SLC23A2: variants seen among roughly 807,000 people sequenced by gnomAD.
SLC23A2 encodes solute carrier family 23 member 2.
Under a neutral mutation model 73.3 loss-of-function variants are expected in SLC23A2, and 36 were observed. That is an observed-to-expected ratio of 0.49 (90% confidence interval 0.38 to 0.65). The LOEUF (loss-of-function observed/expected upper bound fraction) is 0.65, where lower values mean the gene tolerates loss of function less well. SLC23A2 is among the 30% of genes least tolerant of loss of function. The pLI is 0.00. For synonymous variants in SLC23A2, 343 were observed against 327.3 expected (o/e 1.05, Z -0.52); for missense variants, 507 against 841.6 (o/e 0.60, Z 4.92).
intron 2 of SLC23A2, among the ~76,000 whole-genome samples, chr20:4,950,190 C>T (rs1441899105): frequency 1.3e-5 from 2 of 152,188 alleles, no homozygotes; most frequent in Non-Finnish European, 2.9e-5. Context: ...GCTGAGAATA[C>T]GTCTCAAACC....
intron 4 of SLC23A2, among the ~76,000 whole-genome samples, chr20:4,906,534 C>T (rs1235381091): frequency 6.6e-6 from 1 of 152,074 alleles, no homozygotes; most frequent in Non-Finnish European, 1.5e-5. Flanking sequence ...GCAGGAGAAT[C>T]GCTTCAACCC....
rs371670701 is a variant in SLC23A2 at position 4,885,840 on chromosome 20, T to C, written c.552A>G (p.Lys184=). 2 of 1,612,852 alleles carry C rather than the reference T, an allele frequency of 1.2e-6. No homozygotes were observed. The highest frequency in any genetic ancestry group is 2.2e-5 in the East Asian group (1 of 44,870). ...APARAILSLD[K]WKCNTTDVSV... is the part of the protein sequence containing the mutation. ...AATTACCTGTGGTGTTACATTTCCA[T>C]TTATCTAAAGACAGGATGGCTCGAG... The change falls in exon 7 of 17, where the codon AAA becomes AAG. Residue 184 remains lysine, a synonymous_variant. Transcript: ENST00000338244.
intron 11 of SLC23A2, 103 bp from the exon 12 acceptor site, chr20:4,870,156 C>G (rs1930387457): frequency 2.1e-6 from 2 of 954,506 alleles, no homozygotes; most frequent in African/African-American, 3.3e-5. Flanking sequence ...TCTACAAGAT[C>G]CACTTGGATT....
intron 1 of SLC23A2, among the ~76,000 whole-genome samples, chr20:5,000,181 T>C (rs2054287553): frequency 6.6e-6 from 1 of 152,100 alleles, no homozygotes; most frequent in African/African-American, 2.4e-5. Flanking sequence ...AAGGGCCCTT[T>C]ATACATCTCA....
chr20:4,903,530 A>G (rs1931827839), intron 4 of SLC23A2, among the ~76,000 whole-genome samples: 1 of 152,226 alleles, frequency 6.6e-6, no homozygotes. Context: ...AACAAAATGA[A>G]GAGATATCCA....
intron 1 of SLC23A2, among the ~76,000 whole-genome samples, chr20:4,975,677 C>T (rs1305984619): frequency 8.0e-5 from 12 of 150,434 alleles, no homozygotes; most frequent in African/African-American, 1.5e-4. Context: ...CACCGTGCCC[C>T]GCCTGTTTTT....
At chr20:4,890,524 G>C (rs1215494618) in intron 6 of SLC23A2, among the ~76,000 whole-genome samples, 4 of 152,012 alleles carry the variant, frequency 2.6e-5, no homozygotes, top group Admixed American at 2.0e-4. Context: ...ATGGTGGCAG[G>C]TACCTATATC....
Position 4,868,684 on chromosome 20 carries a change from A to C in SLC23A2, c.1251-809T>G, listed in dbSNP as rs1355130202. 6.6e-6 allele frequency among the ~76,000 whole-genome samples: 1 copy of C among 152,204 alleles called. No homozygotes were observed. The highest frequency in any genetic ancestry group is 1.5e-5 in the Non-Finnish European group (1 of 68,050). ...ATCATGTGCAGCAGCTCCATTAGAG[A>C]AAGATGGGGACATCAGGTACCAGAG... On this transcript the variant is annotated intron_variant, in intron 12 of 16. Transcript: ENST00000338244. The surrounding 1 kb of genome is among the most constrained non-coding windows in gnomAD (Gnocchi z 4.4).
chr20:4,913,655 C>T (rs1028964920), intron 3 of SLC23A2, among the ~76,000 whole-genome samples: 3 of 151,992 alleles, frequency 2.0e-5, no homozygotes, highest in South Asian at 2.1e-4. Context: ...GAGACGATGT[C>T]GCGCTCTGTC....
At chr20:4,901,520 A>T (rs1931743813) in intron 5 of SLC23A2, among the ~76,000 whole-genome samples, 1 of 152,170 alleles carries the variant, frequency 6.6e-6, no homozygotes. Flanking sequence ...TCCCGCGTTC[A>T]TCCTATGAAA....
chr20:4,942,824 T>A (rs1260608068), intron 2 of SLC23A2, among the ~76,000 whole-genome samples: 2 of 152,148 alleles, frequency 1.3e-5, no homozygotes, highest in Admixed American at 1.3e-4. Flanking sequence ...AACCTGTCCT[T>A]TCATGATCAG....
At position 4,926,510 on chromosome 20, in the gene SLC23A2, C is replaced by CTTTTTTTTTTTTTTTTTTT. The variant is rs3055953; in HGVS notation, c.108+5926_108+5944dup. 3.8e-5 allele frequency among the ~76,000 whole-genome samples: 4 copies of CTTTTTTTTTTTTTTTTTTT among 105,046 alleles called. 1 individual carries two copies. Among genetic ancestry groups the CTTTTTTTTTTTTTTTTTTT allele is most frequent in the African/African-American group, 1.1e-4 (3 of 27,650 alleles). 68.9% of individuals were successfully genotyped at this position (105,046 alleles called of 152,430 possible). ...CGATCGTTCATCAGAATTTTTTTTG[C>CTTTTTTTTTTTTTTTTTTT]TTTTTTTTTTTTTTTTTTTTTCCTG... On this transcript the variant is annotated intron_variant, in intron 3 of 16. Transcript: ENST00000338244.
chr20:4,911,340 C>T (rs1208909343), intron 4 of SLC23A2, among the ~76,000 whole-genome samples: 1 of 152,238 alleles, frequency 6.6e-6, no homozygotes, highest in South Asian at 2.1e-4. Flanking sequence ...AAAATAATAA[C>T]AATATTGGTT....
chr20:4,926,437 T>C (rs961570208), intron 3 of SLC23A2, among the ~76,000 whole-genome samples: 2 of 152,094 alleles, frequency 1.3e-5, no homozygotes, highest in African/African-American at 4.8e-5. Flanking sequence ...ACAGCCTTTT[T>C]CTGGCCGTGC....
chr20:4,857,166 C>T lies in SLC23A2; in HGVS notation c.1759G>A (p.Gly587Ser). The part of the protein sequence containing the change: ...EERGIRKWKK[G>S]VGKGNKSLDG... Reference sequence around the variant, plus strand: ...AGTGATTTGTTCCCTTTGCCCACACCCTTCTTCCATTTCCGGATTCCTCTT... The same window carrying T: ...AGTGATTTGTTCCCTTTGCCCACACTCTTCTTCCATTTCCGGATTCCTCTT... Residue 587 changes from glycine (G) to serine (S), a missense_variant, in exon 17 of 17, where the codon GGT (glycine) becomes AGT (serine). Around this residue, in one of 5 missense-constraint regions of SLC23A2, gnomAD observed 168 missense variants for 302.3 expected, o/e 0.56. Transcript: ENST00000338244. This position sits in a 1 kb window ranked among gnomAD's most constrained non-coding sequence, Gnocchi z 4.0. 6.2e-7 allele frequency: 1 copy of T among 1,611,304 alleles called. No individual in the cohort carries two copies.
At chr20:4,953,241 G>C (rs887285235) in intron 2 of SLC23A2, among the ~76,000 whole-genome samples, 8 of 152,044 alleles carry the variant, frequency 5.3e-5, no homozygotes, top group African/African-American at 1.7e-4. Flanking sequence ...GGGAGATGGA[G>C]ACTGCAGTCA....
In SLC23A2 at chr20:4,899,281, G is replaced by A. The variant is rs1715379; in HGVS notation, c.482+274C>T. Among the ~76,000 whole-genome samples, 72,294 of 151,862 alleles carry A rather than the reference G, an allele frequency of 0.48. 17,408 individuals carry two copies. The highest frequency in any genetic ancestry group is 0.54 in the East Asian group (2,798 of 5,136). On this transcript the variant is annotated intron_variant, in intron 6 of 16. Transcript: ENST00000338244. The surrounding 1 kb of genome is among the most constrained non-coding windows in gnomAD (Gnocchi z 4.9). Reference sequence around the variant, plus strand: ...TAGGGGCACAGAGGGGTGCTGGGGAGCGAGCATGACTTGCCAAGGGGGCAG... The same window carrying A: ...TAGGGGCACAGAGGGGTGCTGGGGAACGAGCATGACTTGCCAAGGGGGCAG...
intron 6 of SLC23A2, among the ~76,000 whole-genome samples, chr20:4,890,802 T>C (rs1931302811): frequency 6.6e-6 from 1 of 152,230 alleles, no homozygotes; most frequent in Non-Finnish European, 1.5e-5. Flanking sequence ...TTCGTGGTGA[T>C]GGTGATGTGA....
intron 6 of SLC23A2, among the ~76,000 whole-genome samples, chr20:4,898,488 G>A (rs1931632000): frequency 6.6e-6 from 1 of 152,224 alleles, no homozygotes; most frequent in South Asian, 2.1e-4. Context: ...ACCGCAGGGA[G>A]GGCCAGGCCT....
Sources: allele counts gnomAD v4.1 joint callset (sites outside exome capture counted in the v4.1 genomes callset), GRCh38; gene constraint gnomAD v4.1.1; regional missense constraint gnomAD v4.1.1; non-coding constraint Gnocchi (gnomAD v3.1); transcripts MANE v1.5; gene names NCBI Gene and HGNC (gene_info 2026-07-23, HGNC 2026-07-21).